KCNH7: variants seen among roughly 807,000 people sequenced by gnomAD.
The protein encoded by KCNH7 is voltage-gated inwardly rectifying potassium channel KCNH7.
KCNH7 carries 49 observed loss-of-function variants against 120.8 expected under a neutral mutation model. The ratio of observed to expected loss-of-function variants is 0.41; its 90% CI spans 0.32 to 0.51. The LOEUF (loss-of-function observed/expected upper bound fraction) is 0.51. KCNH7 is among the 20% of genes least tolerant of loss of function. KCNH7 has a pLI of 0.38. For synonymous variants in KCNH7, 547 were observed against 516.1 expected, an observed-to-expected ratio of 1.06 and a Z score of -0.81; for missense variants, 1,097 against 1,446.6, an observed-to-expected ratio of 0.76 and a Z score of 3.92.
chr2:162,659,016 G>A (rs1207219727), intron 2 of KCNH7, among the ~76,000 whole-genome samples: 1 of 152,136 alleles, frequency 6.6e-6, no homozygotes, highest in South Asian at 2.1e-4. Flanking sequence ...AAAAAAGAAT[G>A]ACATGAGGAG....
chr2:162,756,238 T>C (rs1688785419), intron 2 of KCNH7, among the ~76,000 whole-genome samples: 1 of 152,114 alleles, frequency 6.6e-6, no homozygotes, highest in Non-Finnish European at 1.5e-5. Context: ...TCAATTTTAC[T>C]TATAGAAACA....
At chr2:162,551,678 T>G (rs1390077176) in intron 2 of KCNH7, among the ~76,000 whole-genome samples, 1 of 152,178 alleles carries the variant, frequency 6.6e-6, no homozygotes, top group Non-Finnish European at 1.5e-5. Context: ...ATAAGCAGAA[T>G]GTATTGCACG....
intron 2 of KCNH7, among the ~76,000 whole-genome samples, chr2:162,745,550 G>T (rs1209986960): frequency 2.0e-5 from 3 of 151,816 alleles, no homozygotes; most frequent in African/African-American, 7.3e-5. Flanking sequence ...CTTTAAACAA[G>T]AAATAGTAAG....
rs1283535858 is a variant in KCNH7 at position 162,828,883 on chromosome 2, A to T, written c.307+7654T>A. On this transcript the variant is annotated intron_variant, in intron 2 of 15. Transcript: ENST00000332142. ...GCTGTTTTTACCCATTTTCTGAGTA[A>T]AAAGTAGTGTGAGACATTCTACAAA... 4.6e-5 allele frequency among the ~76,000 whole-genome samples: 7 copies of T among 152,314 alleles called. No individual in the cohort carries two copies. The East Asian group carries it at 1.2e-3, about 25-fold the overall frequency.
chr2:162,802,278 G>T (rs1684379992), intron 2 of KCNH7, among the ~76,000 whole-genome samples: 2 of 151,694 alleles, frequency 1.3e-5, no homozygotes, highest in Admixed American at 6.6e-5. Flanking sequence ...CAAATGGGCT[G>T]GGAAAAACCT....
At chr2:162,520,155 CTTTTT>C (rs397873711) in intron 3 of KCNH7, among the ~76,000 whole-genome samples, 2 of 89,892 alleles carry the variant, frequency 2.2e-5, no homozygotes, top group East Asian at 6.6e-4. Flanking sequence ...CAAGCCCAGG[CTTTTT>C]TTTTTTTTTT....
At chr2:162,704,174 G>A (rs1686613313) in intron 2 of KCNH7, among the ~76,000 whole-genome samples, 1 of 151,998 alleles carries the variant, frequency 6.6e-6, no homozygotes, top group Non-Finnish European at 1.5e-5. Context: ...TGCCTCCCCA[G>A]CCACTGAAAT....
intron 2 of KCNH7, among the ~76,000 whole-genome samples, chr2:162,599,754 T>C (rs1162260518): frequency 6.6e-6 from 1 of 152,062 alleles, no homozygotes; most frequent in Non-Finnish European, 1.5e-5. Flanking sequence ...AATTATATAC[T>C]ATGTTTCACA....
chr2:162,423,222 G>T, intron 9 of KCNH7, 114 bp downstream of exon 9: 1 of 1,589,016 alleles, frequency 6.3e-7, no homozygotes, highest in South Asian at 1.1e-5. Flanking sequence ...ATACACATCC[G>T]AGAGAAGAAA....
At chr2:162,699,726 T>C (rs544491839) in intron 2 of KCNH7, among the ~76,000 whole-genome samples, 3 of 152,320 alleles carry the variant, frequency 2.0e-5, no homozygotes, top group African/African-American at 7.2e-5. Flanking sequence ...TAATCACCTC[T>C]AATAACTTAA....
chr2:162,650,390 G>A (rs1008952445), intron 2 of KCNH7, among the ~76,000 whole-genome samples: 4 of 152,018 alleles, frequency 2.6e-5, no homozygotes, highest in Non-Finnish European at 4.4e-5. Flanking sequence ...ATTCTATAGC[G>A]AATCTTTTAC....
intron 1 of KCNH7, among the ~76,000 whole-genome samples, chr2:162,837,113 T>C (rs1452015101): frequency 4.6e-5 from 7 of 152,198 alleles, no homozygotes; most frequent in Non-Finnish European, 8.8e-5. Flanking sequence ...TGTCATTTAA[T>C]TGTAATGTAA....
intron 2 of KCNH7, among the ~76,000 whole-genome samples, chr2:162,590,619 T>G (rs984031070): frequency 6.6e-6 from 1 of 152,122 alleles, no homozygotes; most frequent in South Asian, 2.1e-4. Context: ...AGTTATTGTT[T>G]ATTATTTTCC....
At chr2:162,403,546 A>C (rs1247335757) in intron 9 of KCNH7, among the ~76,000 whole-genome samples, 1 of 151,948 alleles carries the variant, frequency 6.6e-6, no homozygotes, top group Non-Finnish European at 1.5e-5. Context: ...GTTTTTTCTT[A>C]TTAACTGTCC....
rs140501872 is a variant in KCNH7, at chr2:162,752,902, G to GAAAAAAGAAAAGAAAAGAAAAGAA, written c.307+83634_307+83635insTTCTTTTCTTTTCTTTTCTTTTTT. On this transcript the variant is annotated intron_variant, in intron 2 of 15. Transcript: ENST00000332142. ...GGCAAAAGAGCAAGACTACATCTCA[G>GAAAAAAGAAAAGAAAAGAAAAGAA]AAAAAGAAAAGAAAAGAAAAGAAAA... is the stretch of plus-strand genomic sequence containing the variant. Among the ~76,000 whole-genome samples the GAAAAAAGAAAAGAAAAGAAAAGAA allele has an allele frequency of 2.1e-3, 126 of 61,206 alleles. 21 individuals are homozygous for GAAAAAAGAAAAGAAAAGAAAAGAA. Among genetic ancestry groups the GAAAAAAGAAAAGAAAAGAAAAGAA allele is most frequent in the Admixed American group, 3.4e-3 (14 of 4,092 alleles). The allele number at this position is 61,206 out of a possible 152,430, so 40.2% of individuals were successfully genotyped here.
intron 2 of KCNH7, among the ~76,000 whole-genome samples, chr2:162,658,781 TG>T (rs60288205): frequency 0.019 from 2,871 of 152,290 alleles, 103 homozygotes; most frequent in African/African-American, 0.064. Flanking sequence ...CATTTATTCT[TG>T]GTACATAGGA....
chr2:162,439,668 A>G (rs187142158), intron 7 of KCNH7, among the ~76,000 whole-genome samples: 45 of 152,132 alleles, frequency 3.0e-4, no homozygotes, highest in African/African-American at 1.1e-3. Flanking sequence ...CAAAAATTCA[A>G]TTATTCATTT....
intron 2 of KCNH7, among the ~76,000 whole-genome samples, chr2:162,697,664 A>AT (rs1464090051): frequency 6.6e-6 from 1 of 152,042 alleles, no homozygotes; most frequent in Non-Finnish European, 1.5e-5. Context: ...AGATAGAAGA[A>AT]TGTCTGTCTT....
chr2:162,714,139 G>T (rs1348772072), intron 2 of KCNH7, among the ~76,000 whole-genome samples: 1 of 152,168 alleles, frequency 6.6e-6, no homozygotes, highest in Admixed American at 6.6e-5. Context: ...ATTTCTGCAG[G>T]ATTATGTCTA....
Sources: gnomAD v4.1 joint callset for allele counts (sites outside exome capture counted in the v4.1 genomes callset) on GRCh38, gnomAD v4.1.1 for gene constraint, MANE v1.5 for transcripts, NCBI Gene and HGNC (gene_info 2026-07-23, HGNC 2026-07-21) for gene names.